The following ANGPTL6 variants were observed in gnomAD, a reference collection of about 807,000 sequenced individuals.
ANGPTL6 encodes the protein angiopoietin-related protein 6.
Under a neutral mutation model 47.4 loss-of-function variants are expected in ANGPTL6, and 45 were observed. That is an observed-to-expected ratio of 0.95 (90% CI 0.75 to 1.22). ANGPTL6 has a LOEUF of 1.22. Ranked by LOEUF, ANGPTL6 falls within the 50% of genes most tolerant of loss-of-function variation. The probability of loss-of-function intolerance (pLI) is 0.00; values close to 1 mark genes in which losing one functional copy is unlikely to be tolerated. For missense variants in ANGPTL6, 698 were observed against 669.4 expected, an observed-to-expected ratio of 1.04 and a Z score of -0.47; for synonymous variants, 290 against 295.9, an observed-to-expected ratio of 0.98 and a Z score of 0.20.
intron 3 of ANGPTL6, among the ~76,000 whole-genome samples, 195 bp from the exon 4 acceptor site, chr19:10,094,075 C>A (rs535158995): frequency 6.6e-6 from 1 of 152,316 alleles, no homozygotes; most frequent in South Asian, 2.1e-4. Context: ...CACCAGAATC[C>A]GAGCTCCAAT....
At chr19:10,104,300 G>A (rs1476678844), upstream of ANGPTL6, among the ~76,000 whole-genome samples, 6 of 86,314 alleles carry the variant, frequency 7.0e-5, no homozygotes, top group Admixed American at 7.6e-4. Context: ...TGTTTTTTTT[G>A]TTTTGTTTGT....
chr19:10,104,097 A>G (rs529480284), upstream of ANGPTL6, among the ~76,000 whole-genome samples: 57 of 151,592 alleles, frequency 3.8e-4, no homozygotes, highest in East Asian at 1.7e-3. Flanking sequence ...AAAAAAAAAA[A>G]AAAAGAAAAG....
At chr19:10,093,234 C>T in intron 5 of ANGPTL6, 115 bp downstream of exon 5, 1 of 1,357,954 alleles carries the variant, frequency 7.4e-7, no homozygotes, top group Non-Finnish European at 1.0e-6. Context: ...TAAAAGCTTG[C>T]TTATCCTTAT....
At position 10,092,521 on chromosome 19, in the gene ANGPTL6, T is replaced by G; in HGVS notation, c.*68A>C. The G allele has an allele frequency of 6.5e-7, 1 of 1,538,514 alleles. No homozygotes were observed. ...TTGGCACTGAGCCACAAAGAAGGTGTGGCCAGAACAACTTGGGCTCCTGCT... is the reference window on the plus strand; with the variant it reads ...TTGGCACTGAGCCACAAAGAAGGTGGGGCCAGAACAACTTGGGCTCCTGCT... On this transcript the variant is annotated 3_prime_UTR_variant, in exon 6 of 6. Transcript: ENST00000253109.
chr19:10,096,605 G>T, intron 1 of ANGPTL6, 32 bp from the exon 2 acceptor site: 1 of 1,444,066 alleles, frequency 6.9e-7, no homozygotes, highest in Middle Eastern at 2.4e-4. Context: ...AAGGAAGACG[G>T]GGTGCTGGGG....
chr19:10,104,317 G>GTGTGTGTGTGTGT (rs60395358), upstream of ANGPTL6, among the ~76,000 whole-genome samples: 4 of 117,966 alleles, frequency 3.4e-5, no homozygotes, highest in African/African-American at 1.0e-4. Flanking sequence ...TTGTGTGTGT[G>GTGTGTGTGTGTGT]GTGTGTGTGT....
chr19:10,096,159 C>A lies in ANGPTL6; in HGVS notation c.405G>T (p.Ala135=), dbSNP rs751475613. 19 of 1,320,274 alleles carry A rather than the reference C, an allele frequency of 1.4e-5. No individual in the cohort carries two copies. Among genetic ancestry groups the A allele is most frequent in the Middle Eastern group, 2.7e-4 (1 of 3,720 alleles). The allele number at this position is 1,320,274 out of a possible 1,614,324, so 81.8% of individuals were successfully genotyped here. Residue 135 remains alanine, a synonymous_variant, in exon 2 of 6, where the codon GCG becomes GCT. Transcript: ENST00000253109. ...GCACGCGCTCCCCGAGCAGCGCCAG[C>A]GCCGCGGCAGGCTCCGCCCCCAGAT... ...GADLGAEPAA[A]LALLGERVLN... is the part of the protein sequence containing the mutation.
intron 5 of ANGPTL6, chr19:10,093,085 A>G (rs528562847): frequency 2.2e-5 from 11 of 507,468 alleles, no homozygotes; most frequent in Admixed American, 3.5e-5. Flanking sequence ...TCCTTTCTAG[A>G]ATAAGAGTAC....
chr19:10,103,825 T>G (rs1185118984), upstream of ANGPTL6, among the ~76,000 whole-genome samples: 1 of 150,938 alleles, frequency 6.6e-6, no homozygotes, highest in Non-Finnish European at 1.5e-5. Flanking sequence ...CTGGGCGCGG[T>G]GGCTCACGCC....
rs138519545 is a variant in ANGPTL6, at chr19:10,094,877, T to C, written c.644A>G (p.Asp215Gly). 1.9e-5 allele frequency: 31 copies of C among 1,614,050 alleles called. No homozygotes were observed. Among genetic ancestry groups the C allele is most frequent in the African/African-American group, 2.7e-5 (2 of 74,920 alleles). The stretch of plus-strand genomic sequence containing the variant: ...GGCTGGGTCCAGCATCCTACTGGTG[T>C]CACTGGTGCTACCCACAAGACGGAC... ...VPVRLVGSTSDTSRMLDPAPE... is the reference protein window; with the variant it reads ...VPVRLVGSTSGTSRMLDPAPE... Residue 215 changes from aspartate to glycine, a missense_variant, in exon 3 of 6, where the codon GAC becomes GGC. Coordinates refer to ENST00000253109, the MANE Select transcript of ANGPTL6 (RefSeq NM_031917.3).
chr19:10,098,976 C>G (rs1054399879), intron 1 of ANGPTL6, among the ~76,000 whole-genome samples: 2 of 152,158 alleles, frequency 1.3e-5, no homozygotes, highest in African/African-American at 4.8e-5. Context: ...CCCATCTCAG[C>G]AGATCTAATC....
intron 3 of ANGPTL6, 53 bp from the exon 4 acceptor site, chr19:10,093,933 C>T: frequency 1.3e-6 from 2 of 1,569,470 alleles, no homozygotes; most frequent in Admixed American, 1.7e-5. Context: ...CAATCCCTTA[C>T]TGGAGCAAGA....
Position 10,096,316 on chromosome 19 carries a change from G to T in ANGPTL6, c.248C>A (p.Ala83Glu). 1 of 1,264,260 alleles carries T rather than the reference G, an allele frequency of 7.9e-7. No homozygotes were observed. The highest frequency in any genetic ancestry group is 2.8e-5 in the South Asian group (1 of 35,146). 78.3% of individuals were successfully genotyped at this position (1,264,260 alleles called of 1,614,324 possible). A position where few individuals can be genotyped will look rare whatever the true frequency, so the allele number is the denominator to read the frequency against. ...GCCGGCCACGGCGCCGTCGGCCGCCGCCAGCCTCTGCAGCTCGCGTAACAG... is the reference window on the plus strand; with the variant it reads ...GCCGGCCACGGCGCCGTCGGCCGCCTCCAGCCTCTGCAGCTCGCGTAACAG... ...EELLRELQRL[A>E]AADGAVAGEV... Residue 83 changes from alanine (A) to glutamate (E), a missense_variant, in exon 2 of 6, where the codon GCG (alanine) becomes GAG (glutamate). Physicochemically the swap from Ala to Glu is moderately radical, Grantham distance 107. Coordinates refer to ENST00000253109, the MANE Select transcript of ANGPTL6 (RefSeq NM_031917.3).
intron 1 of ANGPTL6, among the ~76,000 whole-genome samples, chr19:10,100,492 T>C (rs1311126263): frequency 6.6e-6 from 1 of 152,152 alleles, no homozygotes; most frequent in Non-Finnish European, 1.5e-5. Flanking sequence ...CACCTTGGAC[T>C]CCCAAAGTGC....
rs1160508880 is a variant in ANGPTL6 at position 10,093,407 on chromosome 19, AAG to A, written c.1162_1163del (p.Leu388PhefsTer5). On this transcript the variant is annotated frameshift_variant, in exon 5 of 6. Transcript: ENST00000253109. LOFTEE classifies it high-confidence loss of function. Reference sequence around the variant, plus strand: ...TGAAGGGCTTGTCATTGTGCCAGGAAAGAGAGTCTCCAGCATCACCATGGTAC... The same window carrying A: ...TGAAGGGCTTGTCATTGTGCCAGGAAAGAGTCTCCAGCATCACCATGGTAC... Reference protein sequence around the residue: ...GQYHGDAGDSLSWHNDKPFST... With the variant: ...GQYHGDAGDSXSWHNDKPFST... 14 of 1,614,052 alleles carry A rather than the reference AAG, an allele frequency of 8.7e-6. No individual in the cohort carries two copies. The highest frequency in any genetic ancestry group is 1.2e-5 in the Non-Finnish European group (14 of 1,180,038).
upstream of ANGPTL6, among the ~76,000 whole-genome samples, chr19:10,103,816 T>A (rs6511435): frequency 4.6e-5 from 7 of 151,016 alleles, no homozygotes; most frequent in Middle Eastern, 3.4e-3. Context: ...AATGTAAGGC[T>A]GGGCGCGGTG....
intron 3 of ANGPTL6, among the ~76,000 whole-genome samples, chr19:10,094,276 A>G (rs1378711434): frequency 6.6e-6 from 1 of 151,990 alleles, no homozygotes; most frequent in African/African-American, 2.4e-5. Context: ...CCTCCCGAGC[A>G]GCTGGGACTA....
intron 1 of ANGPTL6, 40 bp from the exon 2 acceptor site, chr19:10,096,613 G>C: frequency 1.4e-6 from 2 of 1,416,826 alleles, no homozygotes. Context: ...CGGGGTGCTG[G>C]GGCCCAGCGA....
Position 10,092,702 on chromosome 19 carries a change from G to A in ANGPTL6, c.1300C>T (p.His434Tyr). The A allele has an allele frequency of 1.2e-6, 2 of 1,613,970 alleles. No individual in the cohort carries two copies. Among genetic ancestry groups the A allele is most frequent in the Non-Finnish European group, 1.7e-6 (2 of 1,179,908 alleles). ...TAGCGGCTTCGGTAGTGGCCGCCGT[G>A]GTGCCACACACCGTTGAGGTTGGAG... is the stretch of plus-strand genomic sequence containing the variant. Reference protein sequence around the residue: ...AHSNLNGVWHHGGHYRSRYQD... With the variant: ...AHSNLNGVWHYGGHYRSRYQD... Residue 434 changes from histidine (H) to tyrosine (Y), a missense_variant, in exon 6 of 6, where the codon CAC becomes TAC. Coordinates refer to ENST00000253109, the MANE Select transcript of ANGPTL6 (RefSeq NM_031917.3).
Sources: allele counts gnomAD v4.1 joint callset (sites outside exome capture counted in the v4.1 genomes callset), GRCh38; gene constraint gnomAD v4.1.1; transcripts MANE v1.5; gene names NCBI Gene and HGNC (gene_info 2026-07-23, HGNC 2026-07-21).